The following EXOC4 variants were observed in gnomAD, a reference collection of about 807,000 sequenced individuals.
EXOC4 encodes the protein exocyst complex component 4.
Under a neutral mutation model 107.2 loss-of-function variants are expected in EXOC4, and 71 were observed. The observed-to-expected ratio is 0.66, with a 90% CI of 0.55 to 0.81. The LOEUF (loss-of-function observed/expected upper bound fraction) is 0.81. Among genes scored for constraint, EXOC4 ranks in the 30% least tolerant of loss-of-function variants. The pLI is 0.00. For missense variants in EXOC4, 1,108 were observed against 1,189.6 expected, an observed-to-expected ratio of 0.93 and a Z score of 1.01; for synonymous variants, 456 against 441.2, an observed-to-expected ratio of 1.03 and a Z score of -0.42.
rs1800084288 is a variant in EXOC4, at chr7:133,526,661, A to G, written c.1417+46523A>G. On this transcript the variant is annotated intron_variant, in intron 9 of 17. Coordinates refer to ENST00000253861, the MANE Select transcript of EXOC4 (RefSeq NM_021807.4). ...GTAAGAATACAATTACTTTAATTTT[A>G]CTGTAGAAACGTAATCAAAAGTAGA... Among the ~76,000 whole-genome samples, 2 of 152,176 alleles carry G rather than the reference A, an allele frequency of 1.3e-5. 1 individual carries two copies. Among genetic ancestry groups the G allele is most frequent in the South Asian group, 4.1e-4 (2 of 4,830 alleles).
chr7:133,470,390 T>C (rs759889378), intron 7 of EXOC4, among the ~76,000 whole-genome samples: 2 of 152,224 alleles, frequency 1.3e-5, no homozygotes, highest in Admixed American at 6.5e-5. Context: ...GTGAGATTGC[T>C]AAGTAACATC....
intron 10 of EXOC4, among the ~76,000 whole-genome samples, chr7:133,692,059 C>T (rs764953037): frequency 2.6e-5 from 4 of 152,026 alleles, no homozygotes; most frequent in Non-Finnish European, 4.4e-5. Flanking sequence ...CTTTGGAAGA[C>T]GTTCACTTCT....
intron 9 of EXOC4, among the ~76,000 whole-genome samples, chr7:133,574,318 T>C (rs924414961): frequency 2.0e-5 from 3 of 152,180 alleles, no homozygotes; most frequent in African/African-American, 7.2e-5. Context: ...TGTTTACACA[T>C]ACACCAAAAT....
chr7:133,970,749 T>C (rs916252273), intron 14 of EXOC4, among the ~76,000 whole-genome samples: 2 of 152,120 alleles, frequency 1.3e-5, no homozygotes, highest in African/African-American at 4.8e-5. Flanking sequence ...ACCTTCTGCG[T>C]TGATCTCGCT....
At chr7:133,416,887 G>A (rs187446765) in intron 7 of EXOC4, among the ~76,000 whole-genome samples, 18 of 152,252 alleles carry the variant, frequency 1.2e-4, no homozygotes, top group Non-Finnish European at 1.9e-4. Context: ...TAGGAAGAGG[G>A]CCTGGTGGTG....
At chr7:133,319,579 T>A (rs926589563) in intron 5 of EXOC4, among the ~76,000 whole-genome samples, 2 of 152,160 alleles carry the variant, frequency 1.3e-5, no homozygotes, top group Non-Finnish European at 2.9e-5. Flanking sequence ...AACCTCCTCC[T>A]TCTGGGCTCA....
chr7:134,072,114 T>C, the EXOC4 span, among the ~76,000 whole-genome samples: 1 of 152,178 alleles, frequency 6.6e-6, no homozygotes, highest in Non-Finnish European at 1.5e-5. Context: ...CCCCCACCAG[T>C]TGGAGGCTGG....
chr7:133,627,482 C>T (rs12707107), intron 9 of EXOC4, among the ~76,000 whole-genome samples: 60,259 of 151,908 alleles, frequency 0.4, 12,305 homozygotes, highest in South Asian at 0.52. Flanking sequence ...TCGATTATTA[C>T]ATTATTTTTA....
chr7:134,003,072 A>G (rs1563087420), intron 15 of EXOC4, among the ~76,000 whole-genome samples: 1 of 152,206 alleles, frequency 6.6e-6, no homozygotes, highest in Non-Finnish European at 1.5e-5. Flanking sequence ...AAGAATCTAA[A>G]TATCAATGGG....
intron 14 of EXOC4, among the ~76,000 whole-genome samples, chr7:133,945,681 G>A (rs1354210095): frequency 2.6e-5 from 4 of 152,172 alleles, no homozygotes; most frequent in African/African-American, 7.2e-5. Flanking sequence ...GGAAAAGGCC[G>A]AGGTGTCGGT....
intron 5 of EXOC4, among the ~76,000 whole-genome samples, chr7:133,321,515 A>T (rs1186448820): frequency 1.3e-5 from 2 of 151,990 alleles, no homozygotes; most frequent in Non-Finnish European, 2.9e-5. Flanking sequence ...TGAGAACATG[A>T]GGTGTTTGGT....
intron 10 of EXOC4, among the ~76,000 whole-genome samples, chr7:133,704,508 C>A (rs1359753728): frequency 6.6e-6 from 1 of 152,186 alleles, no homozygotes; most frequent in Non-Finnish European, 1.5e-5. Context: ...GCCTTCTTGA[C>A]ATTTTCAACA....
Position 133,526,086 on chromosome 7 carries a change from A to G in EXOC4, c.1417+45948A>G, listed in dbSNP as rs371523866. ...AGGCCTATAGTGCTGCTGAGGCTCC[A>G]GTATCTTTCACTTATTCTGCCAGAA... On this transcript the variant is annotated intron_variant, in intron 9 of 17. Transcript: ENST00000253861. Among the ~76,000 whole-genome samples the G allele has an allele frequency of 3.2e-4, 48 of 152,302 alleles. No individual in the cohort carries two copies. In the East Asian group the frequency reaches 5.0e-3, roughly 16 times the overall value.
intron 10 of EXOC4, among the ~76,000 whole-genome samples, chr7:133,694,967 C>A (rs1794501177): frequency 6.6e-6 from 1 of 152,148 alleles, no homozygotes; most frequent in African/African-American, 2.4e-5. Context: ...GGATTACAGG[C>A]ATGCACCACC....
intron 9 of EXOC4, among the ~76,000 whole-genome samples, chr7:133,496,651 T>C (rs1008745229): frequency 6.6e-6 from 1 of 152,218 alleles, no homozygotes; most frequent in Admixed American, 6.5e-5. Context: ...TGTAATTTTT[T>C]GGCCAGTGGT....
At chr7:134,051,161 A>G (rs1795777830) in intron 17 of EXOC4, among the ~76,000 whole-genome samples, 1 of 152,226 alleles carries the variant, frequency 6.6e-6, no homozygotes, top group Admixed American at 6.5e-5. Flanking sequence ...AAATGTCTGC[A>G]GACAAGTGAA....
intron 9 of EXOC4, among the ~76,000 whole-genome samples, chr7:133,628,127 T>C (rs1315288691): frequency 6.6e-6 from 1 of 151,184 alleles, no homozygotes; most frequent in Non-Finnish European, 1.5e-5. Context: ...GCTAGGGTTT[T>C]GAGGAAGCCC....
chr7:133,917,544 A>G (rs778842675), intron 12 of EXOC4, 39 bp from the exon 13 acceptor site: 1 of 1,594,674 alleles, frequency 6.3e-7, no homozygotes, highest in Non-Finnish European at 8.6e-7. Context: ...AATACCAGGC[A>G]TCATGCTACA....
In EXOC4 at chr7:133,541,165, G is replaced by C. The variant is rs1584986657; in HGVS notation, c.1417+61027G>C. ...ATTTACCTTTTTCATATTGAAAATG[G>C]TTCTCCATATTTTTTCAAACAATTT... is the stretch of plus-strand genomic sequence containing the variant. On this transcript the variant is annotated intron_variant, in intron 9 of 17. Coordinates refer to ENST00000253861, the MANE Select transcript of EXOC4 (RefSeq NM_021807.4). Among the ~76,000 whole-genome samples the C allele has an allele frequency of 2.6e-5, 4 of 152,076 alleles. No homozygotes were observed. The South Asian group carries it at 8.3e-4, about 32-fold the overall frequency.
Sources: gnomAD v4.1 joint callset for allele counts (sites outside exome capture counted in the v4.1 genomes callset) on GRCh38, gnomAD v4.1.1 for gene constraint, MANE v1.5 for transcripts, NCBI Gene and HGNC (gene_info 2026-07-23, HGNC 2026-07-21) for gene names.